The following RFC1 variants were observed in gnomAD, a reference collection of about 807,000 sequenced individuals.
RFC1 encodes replication factor C subunit 1, also known as A1 140 kDa subunit.
A neutral mutation model predicts 137.4 loss-of-function variants in RFC1; 37 were observed. That is an observed-to-expected ratio of 0.27 (90% confidence interval 0.21 to 0.35). RFC1 has a LOEUF of 0.35. Among genes scored for constraint, RFC1 ranks in the 10% least tolerant of loss-of-function variants. The pLI, the probability that RFC1 is intolerant of heterozygous loss-of-function variation, is 1.00. For synonymous variants in RFC1, 429 were observed against 455.7 expected, an observed-to-expected ratio of 0.94 and a Z score of 0.75; for missense variants, 1,205 against 1,358.5, an observed-to-expected ratio of 0.89 and a Z score of 1.78.
At chr4:39,297,852 A>C (rs1438209586) in intron 21 of RFC1, 1 of 152,184 alleles carries the variant, frequency 6.6e-6, no homozygotes, top group Non-Finnish European at 1.5e-5. Context: ...CTTCAAGAGG[A>C]TTCATCATAA....
At chr4:39,299,012 C>T (rs916998519) in intron 21 of RFC1, among the ~76,000 whole-genome samples, 23 of 152,160 alleles carry the variant, frequency 1.5e-4, no homozygotes, top group Non-Finnish European at 2.8e-4. Context: ...ATGGCCCTAA[C>T]GCCCACACTG....
At position 39,308,802 on chromosome 4, in the gene RFC1, A is replaced by G; in HGVS notation, c.1719T>C (p.Ala573=). ...TSGDSKARNL[A]DDSSENKVEN... Reference sequence around the variant, plus strand: ...CCACTTTGTTTTCACTGCTGTCATCAGCCAAATTCCTAGCCTTGCTGTCAC... The same window carrying G: ...CCACTTTGTTTTCACTGCTGTCATCGGCCAAATTCCTAGCCTTGCTGTCAC... The change falls in exon 13 of 25, where the codon GCT becomes GCC. Residue 573 remains alanine, a synonymous_variant. Transcript: ENST00000349703. 6.2e-7 allele frequency: 1 copy of G among 1,614,178 alleles called. No individual in the cohort carries two copies. The highest frequency in any genetic ancestry group is 8.5e-7 in the Non-Finnish European group (1 of 1,180,030).
chr4:39,345,310 C>A, intron 3 of RFC1, 91 bp downstream of exon 3: 1 of 1,099,346 alleles, frequency 9.1e-7, no homozygotes, highest in Non-Finnish European at 1.3e-6. Flanking sequence ...CATGAGCCAC[C>A]GCACCCATCC....
rs56299853 is a variant in RFC1 at position 39,342,352 on chromosome 4, T to C, written c.324A>G (p.Ser108=). The C allele has an allele frequency of 1.9e-6, 3 of 1,612,328 alleles. No homozygotes were observed. The highest frequency in any genetic ancestry group is 2.7e-5 in the African/African-American group (2 of 74,848). Residue 108 remains serine, a synonymous_variant, in exon 4 of 25, where the codon TCA becomes TCG. Transcript: ENST00000349703. ...ACCACAATGCAACCTTACCTGTTTC[T>C]GAAATGTATGTAACAGGATCCTGCC... is the stretch of plus-strand genomic sequence containing the variant. ...ISRQDPVTYI[S]ETDEEDDFMC...
intron 10 of RFC1, 77 bp from the exon 11 acceptor site, chr4:39,313,008 G>A: frequency 8.2e-7 from 1 of 1,226,480 alleles, no homozygotes; most frequent in Non-Finnish European, 1.1e-6. Flanking sequence ...CAAAACTGCA[G>A]GAAGTTGATT....
chr4:39,350,252 A>G (rs1741119015), intron 2 of RFC1, among the ~76,000 whole-genome samples: 1 of 152,194 alleles, frequency 6.6e-6, no homozygotes. Context: ...ATGATCCGTG[A>G]GACAATATCA....
chr4:39,291,947 T>A, intron 22 of RFC1, 95 bp from the exon 23 acceptor site: 1 of 893,974 alleles, frequency 1.1e-6, no homozygotes, highest in South Asian at 1.5e-5. Context: ...CAGAGTTCAA[T>A]CCAATTTCAA....
At chr4:39,311,083 G>C (rs896520464) in intron 12 of RFC1, among the ~76,000 whole-genome samples, 2 of 152,250 alleles carry the variant, frequency 1.3e-5, no homozygotes, top group Admixed American at 1.3e-4. Context: ...AGAAGTTGCA[G>C]TGATCCGAGA....
Position 39,311,489 on chromosome 4 carries a change from T to G in RFC1, c.1444A>C (p.Met482Leu), listed in dbSNP as rs778686345. 6.2e-7 allele frequency: 1 copy of G among 1,614,146 alleles called. No homozygotes were observed. The highest frequency in any genetic ancestry group is 2.2e-5 in the East Asian group (1 of 44,880). ...EDGLLNLIRT[M>L]PGKKSKYEIA... is the part of the protein sequence containing the mutation. ...TCATACTTGGATTTCTTGCCTGGCA[T>G]AGTCCGAATCAGATTCAACAGGCCA... Residue 482 changes from methionine to leucine, a missense_variant, in exon 12 of 25, where the codon ATG (methionine) becomes CTG (leucine). Coordinates refer to ENST00000349703, the MANE Select transcript of RFC1 (RefSeq NM_002913.5).
Position 39,306,572 on chromosome 4 carries a change from C to T in RFC1, c.1995+20G>A, listed in dbSNP as rs1343425495. On this transcript the variant is annotated intron_variant, in intron 14 of 24. Transcript: ENST00000349703. The stretch of plus-strand genomic sequence containing the variant: ...CCACTCGAGGTTATCTGTCCGACCA[C>T]ACTGTGACAACGCACCCACCTGACA... 7 of 1,395,460 alleles carry T rather than the reference C, an allele frequency of 5.0e-6. No homozygotes were observed. Among genetic ancestry groups the T allele is most frequent in the Non-Finnish European group, 7.1e-6 (7 of 980,758 alleles). The allele number at this position is 1,395,460 out of a possible 1,614,324, so 86.4% of individuals were successfully genotyped here.
intron 1 of RFC1, among the ~76,000 whole-genome samples, chr4:39,354,330 G>A (rs918413028): frequency 1.3e-5 from 2 of 152,120 alleles, no homozygotes; most frequent in Non-Finnish European, 2.9e-5. Context: ...TTTATAGCAC[G>A]TGACTTCACC....
At position 39,320,368 on chromosome 4, in the gene RFC1, A is replaced by C. The variant is rs987353101; in HGVS notation, c.1095+15T>G. 17 of 1,442,862 alleles carry C rather than the reference A, an allele frequency of 1.2e-5. No homozygotes were observed. The highest frequency in any genetic ancestry group is 2.8e-5 in the Admixed American group (1 of 35,394). 89.4% of individuals were successfully genotyped at this position (1,442,862 alleles called of 1,614,324 possible). ...CCATCTCAAAAAAAAAAAAAAAAAA[A>C]AACAAAGTTCTTACCTCTTTTTTAG... On this transcript the variant is annotated intron_variant, in intron 9 of 24. Coordinates refer to ENST00000349703, the MANE Select transcript of RFC1 (RefSeq NM_002913.5).
intron 4 of RFC1, among the ~76,000 whole-genome samples, chr4:39,340,327 C>T (rs568258565): frequency 6.6e-6 from 1 of 152,294 alleles, no homozygotes; most frequent in East Asian, 1.9e-4. Context: ...TGTCATATGA[C>T]ACTTTTTCAC....
intron 19 of RFC1, among the ~76,000 whole-genome samples, chr4:39,302,047 A>G (rs901230162): frequency 1.3e-5 from 2 of 152,256 alleles, no homozygotes; most frequent in Non-Finnish European, 2.9e-5. Flanking sequence ...AAGCATAAGT[A>G]TAATTTAAAA....
chr4:39,328,092 C>T (rs1273543689), intron 4 of RFC1, among the ~76,000 whole-genome samples: 4 of 152,130 alleles, frequency 2.6e-5, no homozygotes, highest in Non-Finnish European at 1.5e-5. Context: ...GTGATTGCAC[C>T]ACTGCACTCC....
At chr4:39,349,852 A>G (rs1367352739) in intron 2 of RFC1, among the ~76,000 whole-genome samples, 3 of 152,172 alleles carry the variant, frequency 2.0e-5, no homozygotes. Flanking sequence ...TAAAAATACA[A>G]AATTAGCCGG....
chr4:39,329,753 G>A (rs1347671526), intron 4 of RFC1, among the ~76,000 whole-genome samples: 1 of 151,938 alleles, frequency 6.6e-6, no homozygotes, highest in Non-Finnish European at 1.5e-5. Context: ...ATTGAAAATA[G>A]GCCAGGTGCA....
intron 10 of RFC1, among the ~76,000 whole-genome samples, chr4:39,314,497 C>T (rs962533324): frequency 2.6e-5 from 4 of 152,098 alleles, no homozygotes; most frequent in African/African-American, 9.7e-5. Flanking sequence ...CAGCCAGCCA[C>T]CCCTAGTATC....
intron 1 of RFC1, chr4:39,365,586 G>A (rs1455325536): frequency 3.7e-6 from 2 of 540,610 alleles, no homozygotes; most frequent in Non-Finnish European, 4.7e-6. Context: ...GTGGTAAGAG[G>A]ATGACAGCTG....
Sources: allele counts gnomAD v4.1 joint callset (sites outside exome capture counted in the v4.1 genomes callset), GRCh38; gene constraint gnomAD v4.1.1; transcripts MANE v1.5; gene names NCBI Gene and HGNC (gene_info 2026-07-23, HGNC 2026-07-21).